KAZN: variants seen among roughly 807,000 people sequenced by gnomAD.
The protein encoded by KAZN is kazrin.
In KAZN, 40 loss-of-function variants were observed where a neutral mutation model predicts 87.4. The ratio of observed to expected loss-of-function variants is 0.46; its 90% confidence interval spans 0.36 to 0.60. The LOEUF (loss-of-function observed/expected upper bound fraction) is 0.60, where lower values mean the gene tolerates loss of function less well. Ranked by LOEUF, KAZN falls within the 20% of genes least tolerant of loss-of-function variation. KAZN has a pLI of 0.00. For synonymous variants in KAZN, 466 were observed against 458.3 expected (o/e 1.02, Z -0.22); for missense variants, 898 against 1,073.9 (o/e 0.84, Z 2.29).
chr1:14,978,968 A>C (rs1665950746), intron 2 of KAZN, among the ~76,000 whole-genome samples: 1 of 151,808 alleles, frequency 6.6e-6, no homozygotes, highest in Non-Finnish European at 1.5e-5. Context: ...GCAATGGCGC[A>C]ATCTCGGCTC....
chr1:14,109,519 A>C (rs777023309), intron 1 of KAZN, among the ~76,000 whole-genome samples: 1 of 152,172 alleles, frequency 6.6e-6, no homozygotes, highest in Non-Finnish European at 1.5e-5. Context: ...CCCTGGACTT[A>C]TAACCTCACT....
At chr1:14,588,767 C>T (rs1676007811) in intron 2 of KAZN, among the ~76,000 whole-genome samples, 1 of 152,226 alleles carries the variant, frequency 6.6e-6, no homozygotes, top group Non-Finnish European at 1.5e-5. Flanking sequence ...AGGTATCAAG[C>T]TCCCAGTGTT....
At chr1:14,432,320 GGAAAA>G (rs948077682) in intron 2 of KAZN, among the ~76,000 whole-genome samples, 48 of 152,184 alleles carry the variant, frequency 3.2e-4, no homozygotes, top group African/African-American at 1.2e-3. Context: ...TCACCAGAAT[GGAAAA>G]GAAAAGCTAT....
At chr1:14,842,504 T>C (rs1241779798) in intron 1 of KAZN, among the ~76,000 whole-genome samples, 1 of 152,238 alleles carries the variant, frequency 6.6e-6, no homozygotes, top group Non-Finnish European at 1.5e-5. Context: ...GCGTTAGCTA[T>C]CAGCCCTGTG....
intron 2 of KAZN, among the ~76,000 whole-genome samples, chr1:14,245,069 T>A (rs1001689246): frequency 6.6e-6 from 1 of 152,032 alleles, no homozygotes; most frequent in Admixed American, 6.5e-5. Flanking sequence ...CAAGTAATTC[T>A]CCTGCCTCAG....
intron 1 of KAZN, among the ~76,000 whole-genome samples, chr1:14,042,865 T>A (rs951977146): frequency 2.0e-5 from 3 of 152,208 alleles, no homozygotes; most frequent in African/African-American, 7.2e-5. Context: ...CTTACGTACC[T>A]GGCCTTAATT....
intron 2 of KAZN, among the ~76,000 whole-genome samples, chr1:14,537,259 A>G (rs1160426263): frequency 6.6e-6 from 1 of 152,192 alleles, no homozygotes; most frequent in Non-Finnish European, 1.5e-5. Flanking sequence ...TGCTGAACCC[A>G]TGCAGGCTAC....
intron 1 of KAZN, among the ~76,000 whole-genome samples, chr1:14,134,969 GCACACACA>G (rs35930772): frequency 0.034 from 3,354 of 99,040 alleles, 111 homozygotes; most frequent in African/African-American, 0.12. Flanking sequence ...ATATGCACCC[GCACACACA>G]CACACACACA....
intron 2 of KAZN, among the ~76,000 whole-genome samples, chr1:14,277,479 C>T (rs1652461198): frequency 6.6e-6 from 1 of 152,066 alleles, no homozygotes; most frequent in African/African-American, 2.4e-5. Flanking sequence ...TCCTGGCCAA[C>T]ATGGTGAAAC....
intron 2 of KAZN, among the ~76,000 whole-genome samples, chr1:14,975,573 A>T (rs1418585986): frequency 1.3e-5 from 2 of 152,168 alleles, no homozygotes; most frequent in African/African-American, 2.4e-5. Flanking sequence ...GGTATATATA[A>T]TTAATAAAGT....
intron 1 of KAZN, among the ~76,000 whole-genome samples, chr1:14,045,598 T>A (rs6671878): frequency 0.79 from 120,354 of 152,178 alleles, 48,080 homozygotes; most frequent in African/African-American, 0.9. Context: ...ATGTTCCCTG[T>A]TTCCAATTTG....
intron 2 of KAZN, among the ~76,000 whole-genome samples, chr1:15,012,592 G>C (rs61772178): frequency 0.3 from 46,043 of 152,140 alleles, 8,236 homozygotes; most frequent in South Asian, 0.43. Context: ...GACACACACA[G>C]AACATAGATC....
chr1:14,304,990 T>C (rs1240446753), intron 2 of KAZN, among the ~76,000 whole-genome samples: 1 of 152,124 alleles, frequency 6.6e-6, no homozygotes, highest in Non-Finnish European at 1.5e-5. Context: ...CTATGGGCCT[T>C]TGAGAAAAGG....
intron 1 of KAZN, among the ~76,000 whole-genome samples, chr1:14,065,895 A>T (rs1303137512): frequency 6.6e-6 from 1 of 152,144 alleles, no homozygotes; most frequent in Non-Finnish European, 1.5e-5. Flanking sequence ...ATTGTATAAA[A>T]TCTGCCATTT....
At chr1:15,031,274 T>G (rs1671666368) in intron 2 of KAZN, among the ~76,000 whole-genome samples, 1 of 152,196 alleles carries the variant, frequency 6.6e-6, no homozygotes, top group Admixed American at 6.5e-5. Context: ...GGCTGGAAGT[T>G]TCCAGAGTCA....
intron 13 of KAZN, among the ~76,000 whole-genome samples, chr1:15,111,461 T>G (rs1641618352): frequency 6.6e-6 from 1 of 152,122 alleles, no homozygotes; most frequent in South Asian, 2.1e-4. Flanking sequence ...GTAATTTTAG[T>G]AGAGATGGGT....
chr1:14,303,088 G>A (rs1557627095), intron 2 of KAZN, among the ~76,000 whole-genome samples: 1 of 152,098 alleles, frequency 6.6e-6, no homozygotes, highest in Non-Finnish European at 1.5e-5. Context: ...AACCTTCTTA[G>A]GACCCTATCC....
At chr1:15,010,896 C>T (rs1669514393) in intron 2 of KAZN, among the ~76,000 whole-genome samples, 1 of 152,208 alleles carries the variant, frequency 6.6e-6, no homozygotes, top group Admixed American at 6.5e-5. Flanking sequence ...ATTAACATTT[C>T]TCCCTTTATT....
intron 1 of KAZN, among the ~76,000 whole-genome samples, chr1:14,854,616 T>C (rs2100993383): frequency 6.6e-6 from 1 of 152,194 alleles, no homozygotes; most frequent in East Asian, 1.9e-4. Flanking sequence ...TGAGAACTAA[T>C]CCAGTCTCAC....
Sources: allele counts gnomAD v4.1 joint callset (sites outside exome capture counted in the v4.1 genomes callset), GRCh38; gene constraint gnomAD v4.1.1; transcripts MANE v1.5; gene names NCBI Gene and HGNC (gene_info 2026-07-23, HGNC 2026-07-21).